Variants in SOX6 observed in about 807,000 individuals in gnomAD.
SOX6 encodes the protein SRY-box transcription factor 6, also known as transcription factor SOX-6.
Under a neutral mutation model 97.8 loss-of-function variants are expected in SOX6, and 11 were observed. The ratio of observed to expected loss-of-function variants is 0.11; its 90% CI spans 0.07 to 0.19. SOX6 has a LOEUF of 0.19. Ranked by LOEUF, SOX6 falls within the 10% of genes least tolerant of loss-of-function variation. The pLI is 1.00. For synonymous variants in SOX6, 360 were observed against 371.4 expected, an observed-to-expected ratio of 0.97 and a Z score of 0.35; for missense variants, 810 against 1,039.5, an observed-to-expected ratio of 0.78 and a Z score of 3.04.
chr11:16,018,555 C>T (rs1007168517), intron 12 of SOX6, among the ~76,000 whole-genome samples: 1 of 152,070 alleles, frequency 6.6e-6, no homozygotes, highest in African/African-American at 2.4e-5. Flanking sequence ...TTTCTTTGCA[C>T]TTAGATAAAA....
At chr11:16,695,707 C>T (rs565248327) in intron 3 of SOX6, among the ~76,000 whole-genome samples, 10 of 152,126 alleles carry the variant, frequency 6.6e-5, no homozygotes, top group African/African-American at 2.2e-4. Context: ...AAACAGAATC[C>T]GGCCAGGCAT....
intron 2 of SOX6, among the ~76,000 whole-genome samples, chr11:16,719,861 C>T (rs1391502573): frequency 2.6e-5 from 4 of 152,030 alleles, no homozygotes; most frequent in Admixed American, 6.6e-5. Context: ...GAGGTAGAGG[C>T]TGCACCACTG....
At position 16,705,037 on chromosome 11, in the gene SOX6, C is replaced by T. The variant is rs185700923; in HGVS notation, n.429+9793G>A. 3.0e-3 allele frequency among the ~76,000 whole-genome samples: 454 copies of T among 151,744 alleles called. 3 individuals carry two copies. Among genetic ancestry groups the T allele is most frequent in the Middle Eastern group, 6.8e-3 (2 of 292 alleles). On this transcript the variant is annotated intron_variant and non_coding_transcript_variant, in intron 3 of 5. Transcript: ENST00000524520. ...CTTTGGGAGGCTGAGGCGGGTGGATCACCTGAGGTCAGGAGTTCAAGACCA... is the reference window on the plus strand; with the variant it reads ...CTTTGGGAGGCTGAGGCGGGTGGATTACCTGAGGTCAGGAGTTCAAGACCA...
chr11:16,648,967 C>G (rs1463304147), intron 3 of SOX6, among the ~76,000 whole-genome samples: 1 of 151,646 alleles, frequency 6.6e-6, no homozygotes, highest in African/African-American at 2.4e-5. Flanking sequence ...TAGAGAAATA[C>G]AAAATGCCTG....
chr11:16,426,422 G>T (rs1311629789), intron 1 of SOX6, among the ~76,000 whole-genome samples: 1 of 151,856 alleles, frequency 6.6e-6, no homozygotes, highest in African/African-American at 2.4e-5. Flanking sequence ...CAGGGCTACG[G>T]TAACCAAAAC....
At chr11:16,485,753 G>A (rs1860417139) in intron 4 of SOX6, among the ~76,000 whole-genome samples, 1 of 150,046 alleles carries the variant, frequency 6.7e-6, no homozygotes, top group Non-Finnish European at 1.5e-5. Flanking sequence ...AATTAGCCAG[G>A]CATGGTGGCA....
At chr11:16,128,487 A>G (rs1849661104) in intron 6 of SOX6, among the ~76,000 whole-genome samples, 1 of 152,192 alleles carries the variant, frequency 6.6e-6, no homozygotes, top group African/African-American at 2.4e-5. Flanking sequence ...TAATAAAAGT[A>G]AGGCCAAAAG....
intron 1 of SOX6, among the ~76,000 whole-genome samples, chr11:16,371,252 C>A (rs921038166): frequency 1.3e-5 from 2 of 152,006 alleles, no homozygotes; most frequent in African/African-American, 4.8e-5. Context: ...CCTCCCTCTG[C>A]CTGGAATGCT....
chr11:16,634,943 TCTC>T (rs1281817155), intron 3 of SOX6, among the ~76,000 whole-genome samples: 10 of 152,160 alleles, frequency 6.6e-5, no homozygotes, highest in African/African-American at 2.4e-4. Context: ...ACTCTGCACT[TCTC>T]CTTGCTGCAA....
At chr11:16,410,772 A>T (rs1157050308) in intron 1 of SOX6, among the ~76,000 whole-genome samples, 1 of 151,484 alleles carries the variant, frequency 6.6e-6, no homozygotes, top group Non-Finnish European at 1.5e-5. Flanking sequence ...AAAAAAAAAA[A>T]AAAAAAAGAT....
intron 6 of SOX6, among the ~76,000 whole-genome samples, chr11:16,120,558 T>TAA (rs1849463252): frequency 8.5e-6 from 1 of 118,166 alleles, no homozygotes; most frequent in Non-Finnish European, 1.8e-5. Flanking sequence ...AGAGCTAACT[T>TAA]CACATATATA....
chr11:16,289,087 G>A (rs1304566618), intron 3 of SOX6, among the ~76,000 whole-genome samples: 2 of 151,426 alleles, frequency 1.3e-5, no homozygotes, highest in African/African-American at 2.4e-5. Flanking sequence ...CAAAACAAAT[G>A]GCAAGAATTA....
At chr11:16,131,391 A>C (rs1849736005) in intron 6 of SOX6, among the ~76,000 whole-genome samples, 2 of 151,942 alleles carry the variant, frequency 1.3e-5, no homozygotes, top group Admixed American at 1.3e-4. Context: ...GAAAATCAAA[A>C]CCACAACAAG....
Position 15,972,215 on chromosome 11 carries a change from A to G in SOX6, c.*594T>C, listed in dbSNP as rs58351847. Reference sequence around the variant, plus strand: ...GCAGTGTCTCCTTTAAGACTTTCAAAATATTAAGATTCAAAAGTTACGAAA... The same window carrying G: ...GCAGTGTCTCCTTTAAGACTTTCAAGATATTAAGATTCAAAAGTTACGAAA... On this transcript the variant is annotated 3_prime_UTR_variant, in exon 16 of 16. Coordinates refer to ENST00000683767, the MANE Select transcript of SOX6 (RefSeq NM_001367873.1). The G allele has an allele frequency of 5.4e-4, 83 of 153,118 alleles. No homozygotes were observed. Among genetic ancestry groups the G allele is most frequent in the African/African-American group, 2.0e-3 (82 of 41,578 alleles). The allele number at this position is 153,118 out of a possible 1,614,324, so 9.5% of individuals were successfully genotyped here. A position where few individuals can be genotyped will look rare whatever the true frequency, so the allele number is the denominator to read the frequency against.
intron 9 of SOX6, among the ~76,000 whole-genome samples, chr11:16,080,664 C>T (rs1028961803): frequency 6.6e-6 from 1 of 152,122 alleles, no homozygotes; most frequent in East Asian, 1.9e-4. Context: ...AGAAGATATG[C>T]TGTCTTTCAG....
At chr11:16,391,718 T>C (rs766863102) in intron 1 of SOX6, among the ~76,000 whole-genome samples, 2 of 152,048 alleles carry the variant, frequency 1.3e-5, no homozygotes, top group African/African-American at 2.4e-5. Flanking sequence ...TGAAAGATCA[T>C]ATTTCCTTAT....
intron 13 of SOX6, among the ~76,000 whole-genome samples, chr11:15,990,526 C>T (rs1354026103): frequency 6.6e-6 from 1 of 151,612 alleles, no homozygotes; most frequent in African/African-American, 2.4e-5. Flanking sequence ...GTACTTGGCA[C>T]ATAGGATTTC....
rs1408167618 is a variant in SOX6 at position 16,546,805 on chromosome 11, A to T, written n.609+65276T>A. Among the ~76,000 whole-genome samples the T allele has an allele frequency of 2.6e-5, 4 of 152,308 alleles. No homozygotes were observed. In the South Asian group the frequency reaches 8.3e-4, roughly 32 times the overall value. On this transcript the variant is annotated intron_variant and non_coding_transcript_variant, in intron 4 of 5. Coordinates refer to the SOX6 transcript ENST00000524520. Reference sequence around the variant, plus strand: ...AAGCTTCTGAATAGCAAAGGAAATAATCAACAGAATGAAGAGATAACCTGT... The same window carrying T: ...AAGCTTCTGAATAGCAAAGGAAATATTCAACAGAATGAAGAGATAACCTGT...
Position 16,084,102 on chromosome 11 carries a change from T to C in SOX6, c.1101+11894A>G, listed in dbSNP as rs1030531233. ...CTAAAGAGCACTGTACTGGGCCTCA[T>C]GCTTTTTGAAACCAGGAACAGTCAT... On this transcript the variant is annotated intron_variant, in intron 9 of 15. Transcript: ENST00000683767. 1.3e-4 allele frequency among the ~76,000 whole-genome samples: 20 copies of C among 152,298 alleles called. 1 individual carries two copies. The East Asian group carries it at 3.9e-3, about 29-fold the overall frequency.
Sources: allele counts gnomAD v4.1 joint callset (sites outside exome capture counted in the v4.1 genomes callset), GRCh38; gene constraint gnomAD v4.1.1; transcripts MANE v1.5; gene names NCBI Gene and HGNC (gene_info 2026-07-23, HGNC 2026-07-21).